The following CPZ variants were observed in gnomAD, a reference collection of about 807,000 sequenced individuals.
CPZ encodes the protein carboxypeptidase Z.
Under a neutral mutation model 61.8 loss-of-function variants are expected in CPZ, and 103 were observed. The ratio of observed to expected loss-of-function variants is 1.67; its 90% CI spans 1.42 to 1.96. The LOEUF is 1.96. Among genes scored for constraint, CPZ ranks in the 30% most tolerant of loss-of-function variants. CPZ has a pLI of 0.00. For missense variants in CPZ, 1,461 were observed against 914.9 expected (o/e 1.60, Z -7.70); for synonymous variants, 551 against 373.7 (o/e 1.47, Z -5.47).
At position 8,592,872 on chromosome 4, in the gene CPZ, G is replaced by C. The variant is rs1256194701; in HGVS notation, c.39G>C (p.Leu13=). The C allele has an allele frequency of 6.5e-6, 10 of 1,533,376 alleles. No individual in the cohort carries two copies. Among genetic ancestry groups the C allele is most frequent in the Non-Finnish European group, 8.7e-6 (10 of 1,143,798 alleles). 95.0% of individuals were successfully genotyped at this position (1,533,376 alleles called of 1,614,324 possible). Residue 13 remains leucine, a synonymous_variant, in exon 1 of 11, where the codon CTG becomes CTC. Transcript: ENST00000360986. Reference sequence around the variant, plus strand: ...TGCCGCTGCTGCTCCTTACAGTCCTGGTCGTCGCCGCTGCCCGGCCGGGGT... The same window carrying C: ...TGCCGCTGCTGCTCCTTACAGTCCTCGTCGTCGCCGCTGCCCGGCCGGGGT... ...PPLPLLLLTV[L]VVAAARPGCE...
At chr4:8,617,147 C>T (rs916323718) in intron 9 of CPZ, among the ~76,000 whole-genome samples, 1 of 152,212 alleles carries the variant, frequency 6.6e-6, no homozygotes, top group Non-Finnish European at 1.5e-5. Flanking sequence ...TGTGTCAGGC[C>T]AGTCGGTTTC....
At chr4:8,597,856 C>G (rs1714294391) in intron 1 of CPZ, among the ~76,000 whole-genome samples, 1 of 152,184 alleles carries the variant, frequency 6.6e-6, no homozygotes, top group African/African-American at 2.4e-5. Context: ...TTATAATGAA[C>G]CCATGTGAAA....
At chr4:8,613,917 C>T (rs1463449475) in intron 8 of CPZ, among the ~76,000 whole-genome samples, 3 of 152,260 alleles carry the variant, frequency 2.0e-5, no homozygotes, top group Admixed American at 6.5e-5. Flanking sequence ...AGCTGGGATG[C>T]CAGGGGCCTG....
intron 1 of CPZ, among the ~76,000 whole-genome samples, chr4:8,598,373 C>T (rs1198467938): frequency 2.0e-5 from 3 of 152,228 alleles, no homozygotes; most frequent in Non-Finnish European, 4.4e-5. Flanking sequence ...TCACAGCCCC[C>T]AGATCCTAGG....
intron 1 of CPZ, among the ~76,000 whole-genome samples, chr4:8,596,311 A>C (rs1714174876): frequency 6.6e-6 from 1 of 152,166 alleles, no homozygotes; most frequent in Non-Finnish European, 1.5e-5. Flanking sequence ...AGGCCTCCCA[A>C]AGTGCTGGGA....
chr4:8,600,185 C>T (rs959428934), intron 2 of CPZ, among the ~76,000 whole-genome samples: 1 of 151,898 alleles, frequency 6.6e-6, no homozygotes, highest in Non-Finnish European at 1.5e-5. Flanking sequence ...CTGTGTTACC[C>T]AGGCTGGTCT....
Position 8,606,812 on chromosome 4 carries a change from C to A in CPZ, c.982C>A (p.Leu328Met), listed in dbSNP as rs780269196. Residue 328 changes from leucine (L) to methionine (M), a missense_variant, in exon 6 of 11, where the codon CTG becomes ATG. Leu to Met is a conservative substitution (Grantham distance 15). Transcript: ENST00000360986. ...GGATCTGAACCGAAATTTCCCGGAC[C>A]TGACGTCCGAGTACTACCGGCTGGC... Reference protein sequence around the residue: ...NLDLNRNFPDLTSEYYRLAET... With the variant: ...NLDLNRNFPDMTSEYYRLAET... The A allele has an allele frequency of 6.8e-6, 11 of 1,614,050 alleles. No individual in the cohort carries two copies. Among genetic ancestry groups the A allele is most frequent in the Non-Finnish European group, 8.5e-6 (10 of 1,180,036 alleles).
chr4:8,599,344 G>T (rs951005561), intron 1 of CPZ, 109 bp from the exon 2 acceptor site: 2 of 1,304,588 alleles, frequency 1.5e-6, no homozygotes, highest in Admixed American at 3.0e-5. Flanking sequence ...AGCTGGCGGA[G>T]GGTGGCCTGG....
intron 9 of CPZ, among the ~76,000 whole-genome samples, chr4:8,614,809 G>C (rs1013351879): frequency 6.6e-6 from 1 of 152,148 alleles, no homozygotes. Flanking sequence ...CGAGGTGTCT[G>C]ACCCAGCCTC....
chr4:8,606,593 C>T lies in CPZ; in HGVS notation c.907-144C>T, dbSNP rs1204952837. The T allele has an allele frequency of 3.8e-6, 4 of 1,040,248 alleles. No individual in the cohort carries two copies. The South Asian group carries it at 4.4e-5, about 11-fold the overall frequency. 64.4% of individuals were successfully genotyped at this position (1,040,248 alleles called of 1,614,324 possible). A position where few individuals can be genotyped will look rare whatever the true frequency, so the allele number is the denominator to read the frequency against. The stretch of plus-strand genomic sequence containing the variant: ...CCGGGGTGGAGAGGAGGCCAAGGGT[C>T]AGGCATGCCCCCGAGCTCATCACAT... On this transcript the variant is annotated intron_variant, in intron 5 of 10. Coordinates refer to ENST00000360986, the MANE Select transcript of CPZ (RefSeq NM_001014447.3).
At chr4:8,595,007 C>T (rs569429529) in intron 1 of CPZ, among the ~76,000 whole-genome samples, 15 of 152,270 alleles carry the variant, frequency 9.9e-5, no homozygotes, top group South Asian at 2.1e-4. Context: ...CTCCTGACCC[C>T]GTGATCCACC....
Position 8,606,728 on chromosome 4 carries a change from T to C in CPZ, c.907-9T>C, listed in dbSNP as rs765031921. 1.9e-6 allele frequency: 3 copies of C among 1,614,022 alleles called. No individual in the cohort carries two copies. The highest frequency in any genetic ancestry group is 2.2e-5 in the South Asian group (2 of 91,078). On this transcript the variant is annotated splice_polypyrimidine_tract_variant and intron_variant, in intron 5 of 10. Coordinates refer to ENST00000360986, the MANE Select transcript of CPZ (RefSeq NM_001014447.3). ...ACCCCACCCAGTCGGGGGTTGGCCA[T>C]GTTTTCAGGGTGCCGGCTACAACGG...
At position 8,619,293 on chromosome 4, in the gene CPZ, C is replaced by T; in HGVS notation, c.1635C>T (p.Pro545=). 6.2e-7 allele frequency: 1 copy of T among 1,613,462 alleles called. No homozygotes were observed. Among genetic ancestry groups the T allele is most frequent in the Non-Finnish European group, 8.5e-7 (1 of 1,179,722 alleles). ...APDGDYWRLL[P]PGIHIVIAQA... is the part of the protein sequence containing the mutation. ...ATGGTGACTACTGGAGACTGCTGCC[C>T]CCAGGTATCCACATTGTCATTGCCC... Residue 545 remains proline (P), a synonymous_variant, in exon 11 of 11, where the codon CCC becomes CCT. Coordinates refer to ENST00000360986, the MANE Select transcript of CPZ (RefSeq NM_001014447.3).
chr4:8,606,542 C>T (rs916677872), intron 5 of CPZ, among the ~76,000 whole-genome samples, 195 bp from the exon 6 acceptor site: 5 of 152,194 alleles, frequency 3.3e-5, no homozygotes, highest in African/African-American at 1.2e-4. Flanking sequence ...GGGAAGGCCC[C>T]AAGGCTGTGA....
At chr4:8,609,616 C>A (rs189079057) in intron 7 of CPZ, among the ~76,000 whole-genome samples, 1 of 152,318 alleles carries the variant, frequency 6.6e-6, no homozygotes, top group Admixed American at 6.5e-5. Context: ...TCTGCACAGG[C>A]CCAGTGTGTC....
Position 8,614,240 on chromosome 4 carries a change from G to A in CPZ, c.1364-119G>A, listed in dbSNP as rs28464119. On this transcript the variant is annotated intron_variant, in intron 8 of 10. Transcript: ENST00000360986. ...TGGCTGACACCCCGACGTCCCGGCT[G>A]TCTCTGCGCGGCTGACACCCCGGCG... 0.019 allele frequency: 25,891 copies of A among 1,394,900 alleles called. 3,036 individuals are homozygous for A. The African/African-American group carries it at 0.29, about 16-fold the overall frequency. 86.4% of individuals were successfully genotyped at this position (1,394,900 alleles called of 1,614,324 possible).
intron 7 of CPZ, chr4:8,611,063 CTCATTCACTCATTCAT>C (rs1180358183): frequency 5.6e-6 from 2 of 358,006 alleles, no homozygotes; most frequent in Non-Finnish European, 1.2e-5. Flanking sequence ...CGCTCACTCA[CTCATTCACTCATTCAT>C]TCGCTCATTC....
intron 8 of CPZ, among the ~76,000 whole-genome samples, chr4:8,613,852 G>A (rs1560302146): frequency 6.6e-6 from 1 of 152,230 alleles, no homozygotes; most frequent in African/African-American, 2.4e-5. Flanking sequence ...CTAGACTCTG[G>A]TCAGGACAGC....
At position 8,615,585 on chromosome 4, in the gene CPZ, C is replaced by A. The variant is rs3756163; in HGVS notation, c.1503+1087C>A. Reference sequence around the variant, plus strand: ...AGGGCAGCCGGTTCTGACACCAGGCCGGGCGGCAGACGGGGCCGTCCCATT... The same window carrying A: ...AGGGCAGCCGGTTCTGACACCAGGCAGGGCGGCAGACGGGGCCGTCCCATT... On this transcript the variant is annotated intron_variant, in intron 9 of 10. Coordinates refer to ENST00000360986, the MANE Select transcript of CPZ (RefSeq NM_001014447.3). Among the ~76,000 whole-genome samples the A allele has an allele frequency of 2.2e-4, 33 of 152,266 alleles. 1 individual carries two copies. The highest frequency in any genetic ancestry group is 2.2e-4 in the Non-Finnish European group (15 of 68,010).
Sources: allele counts gnomAD v4.1 joint callset (sites outside exome capture counted in the v4.1 genomes callset), GRCh38; gene constraint gnomAD v4.1.1; transcripts MANE v1.5; gene names NCBI Gene and HGNC (gene_info 2026-07-23, HGNC 2026-07-21).